Variants in FYN observed in about 807,000 individuals in gnomAD.
FYN encodes FYN proto-oncogene, Src family tyrosine kinase.
A neutral mutation model predicts 70.2 loss-of-function variants in FYN; 10 were observed. The observed-to-expected ratio is 0.14, with a 90% CI of 0.09 to 0.24. The LOEUF (loss-of-function observed/expected upper bound fraction) is 0.24. Ranked by LOEUF, FYN falls within the 10% of genes least tolerant of loss-of-function variation. FYN has a pLI of 1.00. For missense variants in FYN, 319 were observed against 673.1 expected, an observed-to-expected ratio of 0.47 and a Z score of 5.82; for synonymous variants, 236 against 248.6, an observed-to-expected ratio of 0.95 and a Z score of 0.48.
chr6:111,851,941 C>T (rs952006785), intron 1 of FYN, among the ~76,000 whole-genome samples: 1 of 151,054 alleles, frequency 6.6e-6, no homozygotes, highest in South Asian at 2.1e-4. Context: ...TTATGTAATA[C>T]TGTCCTATTT....
At position 111,756,406 on chromosome 6, in the gene FYN, GA is replaced by G. The variant is rs958227915; in HGVS notation, c.-12+24159del. ...AACACTAGGTTCAGATGGTTTTAGA[GA>G]AAAAAAAGTAAAAAAAAAATCTGTG... On this transcript the variant is annotated intron_variant, in intron 3 of 13. Transcript: ENST00000354650. Among the ~76,000 whole-genome samples, 6 of 136,572 alleles carry G rather than the reference GA, an allele frequency of 4.4e-5. No homozygotes were observed. In the East Asian group the frequency reaches 1.0e-3, roughly 24 times the overall value. The allele number at this position is 136,572 out of a possible 152,430, so 89.6% of individuals were successfully genotyped here.
chr6:111,728,181 TGATGAAAACAAG>T (rs1375846098), intron 3 of FYN, among the ~76,000 whole-genome samples: 1 of 152,176 alleles, frequency 6.6e-6, no homozygotes, highest in African/African-American at 2.4e-5. Flanking sequence ...AGTGAAATGG[TGATGAAAACAAG>T]GATGATATGT....
chr6:111,711,713 G>C (rs1375372541), intron 5 of FYN, among the ~76,000 whole-genome samples: 3 of 152,250 alleles, frequency 2.0e-5, no homozygotes, highest in South Asian at 2.1e-4. Context: ...CTGAGGACCA[G>C]AGCCAGAGGC....
At chr6:111,725,144 C>T (rs182938720) in intron 3 of FYN, among the ~76,000 whole-genome samples, 131 of 152,248 alleles carry the variant, frequency 8.6e-4, no homozygotes, top group African/African-American at 3.0e-3. Flanking sequence ...GCTCTTGATC[C>T]TCGCAAAATT....
At chr6:111,792,018 C>T (rs556859957) in intron 2 of FYN, among the ~76,000 whole-genome samples, 1 of 147,004 alleles carries the variant, frequency 6.8e-6, no homozygotes, top group East Asian at 2.0e-4. Context: ...GTGTTAACCA[C>T]GAAGGAAAAT....
intron 2 of FYN, among the ~76,000 whole-genome samples, chr6:111,789,848 T>C (rs550218755): frequency 6.6e-6 from 1 of 152,132 alleles, no homozygotes; most frequent in Non-Finnish European, 1.5e-5. Flanking sequence ...CACGTCTAGC[T>C]CTCTTCCAAC....
chr6:111,829,183 A>T (rs1269248066), intron 2 of FYN, among the ~76,000 whole-genome samples: 1 of 152,208 alleles, frequency 6.6e-6, no homozygotes, highest in Non-Finnish European at 1.5e-5. Context: ...CAGAGCCTGA[A>T]GTCAGATTTT....
At chr6:111,708,413 C>T (rs990720984) in intron 5 of FYN, among the ~76,000 whole-genome samples, 1 of 152,174 alleles carries the variant, frequency 6.6e-6, no homozygotes, top group African/African-American at 2.4e-5. Flanking sequence ...TTTAGGAGGT[C>T]TGAGGTCAAT....
intron 2 of FYN, among the ~76,000 whole-genome samples, chr6:111,837,891 T>A (rs1773239875): frequency 6.6e-6 from 1 of 152,212 alleles, no homozygotes; most frequent in Non-Finnish European, 1.5e-5. Flanking sequence ...AATGCACAAA[T>A]TGCTGTTTTA....
intron 2 of FYN, among the ~76,000 whole-genome samples, chr6:111,829,584 C>T (rs1332167260): frequency 1.3e-5 from 2 of 152,152 alleles, no homozygotes; most frequent in Non-Finnish European, 2.9e-5. Context: ...AGACTGAGCA[C>T]TTCCAGTAGA....
intron 12 of FYN, among the ~76,000 whole-genome samples, chr6:111,675,431 G>A (rs1798487483): frequency 6.6e-6 from 1 of 152,022 alleles, no homozygotes; most frequent in Non-Finnish European, 1.5e-5. Flanking sequence ...AAAGAATCCT[G>A]TCTCTAAACC....
chr6:111,681,945 C>G (rs1312298463), intron 12 of FYN, among the ~76,000 whole-genome samples: 2 of 152,188 alleles, frequency 1.3e-5, no homozygotes, highest in Non-Finnish European at 2.9e-5. Flanking sequence ...ACACTATACA[C>G]TGTTCCACTG....
chr6:111,728,982 G>A (rs1466153472), intron 3 of FYN, among the ~76,000 whole-genome samples: 1 of 152,106 alleles, frequency 6.6e-6, no homozygotes, highest in African/African-American at 2.4e-5. Flanking sequence ...GCCTTTGGTA[G>A]TAATCAGAGA....
At chr6:111,792,622 A>C (rs138971080) in intron 2 of FYN, among the ~76,000 whole-genome samples, 144 of 152,364 alleles carry the variant, frequency 9.5e-4, no homozygotes, top group East Asian at 5.6e-3. Context: ...AGTATTACAC[A>C]GCAATGAAAA....
chr6:111,816,560 T>C (rs570374283), intron 2 of FYN, among the ~76,000 whole-genome samples: 2 of 152,308 alleles, frequency 1.3e-5, no homozygotes, highest in South Asian at 4.1e-4. Flanking sequence ...AATTTCTTAG[T>C]AGTTAAAACT....
At chr6:111,826,277 G>A (rs1376088726) in intron 2 of FYN, among the ~76,000 whole-genome samples, 1 of 152,124 alleles carries the variant, frequency 6.6e-6, no homozygotes, top group Non-Finnish European at 1.5e-5. Context: ...GAGCTGGTGT[G>A]GAGGTATGTT....
chr6:111,678,592 C>T (rs1235499382), intron 12 of FYN, among the ~76,000 whole-genome samples: 1 of 152,132 alleles, frequency 6.6e-6, no homozygotes, highest in African/African-American at 2.4e-5. Context: ...ACCTCTCTCT[C>T]GAGTCCCTGA....
intron 12 of FYN, among the ~76,000 whole-genome samples, chr6:111,682,771 A>T (rs555985772): frequency 5.2e-4 from 79 of 152,318 alleles, no homozygotes; most frequent in Non-Finnish European, 9.0e-4. Context: ...ATCATTTAAA[A>T]CATCCCTAAG....
chr6:111,668,910 C>T (rs1798132655), intron 13 of FYN, among the ~76,000 whole-genome samples: 2 of 152,284 alleles, frequency 1.3e-5, no homozygotes, highest in South Asian at 4.2e-4. Context: ...CATGAAAAAC[C>T]TGCTCCTGTT....
Sources: allele counts gnomAD v4.1 joint callset (sites outside exome capture counted in the v4.1 genomes callset), GRCh38; gene constraint gnomAD v4.1.1; transcripts MANE v1.5; gene names NCBI Gene and HGNC (gene_info 2026-07-23, HGNC 2026-07-21).